The following CMYA5 variants were observed in gnomAD, a reference collection of about 807,000 sequenced individuals.
CMYA5 encodes the protein cardiomyopathy-associated protein 5.
A neutral mutation model predicts 318.9 loss-of-function variants in CMYA5; 246 were observed. That is an observed-to-expected ratio of 0.77 (90% CI 0.70 to 0.86). The LOEUF (loss-of-function observed/expected upper bound fraction) is 0.86. Ranked by LOEUF, CMYA5 falls within the 40% of genes least tolerant of loss-of-function variation. The pLI is 0.00. For missense variants in CMYA5, 4,589 were observed against 4,678.2 expected (o/e 0.98, Z 0.56); for synonymous variants, 1,641 against 1,729.5 (o/e 0.95, Z 1.27).
chr5:79,766,790 GT>G (rs1828762496), intron 9 of CMYA5, among the ~76,000 whole-genome samples: 1 of 152,294 alleles, frequency 6.6e-6, no homozygotes, highest in South Asian at 2.1e-4. Context: ...TCTTTGCCAA[GT>G]TTTGGTATCA....
intron 1 of CMYA5, among the ~76,000 whole-genome samples, chr5:79,705,408 T>C (rs897356842): frequency 1.3e-4 from 18 of 141,760 alleles, no homozygotes; most frequent in Admixed American, 3.7e-4. Flanking sequence ...AATAGATAGA[T>C]AGATATAGTA....
chr5:79,789,800 G>C (rs1453752505), intron 10 of CMYA5, among the ~76,000 whole-genome samples: 3 of 152,046 alleles, frequency 2.0e-5, no homozygotes, highest in Non-Finnish European at 4.4e-5. Flanking sequence ...GGTAGGTTGG[G>C]GATATTCTTT....
intron 6 of CMYA5, among the ~76,000 whole-genome samples, chr5:79,755,843 AT>A (rs1401039003): frequency 1.3e-5 from 2 of 152,214 alleles, no homozygotes; most frequent in African/African-American, 4.8e-5. Flanking sequence ...TCTAACCTAC[AT>A]ACTTTGCTTC....
In CMYA5 at chr5:79,733,419, C is replaced by A. The variant is rs935761859; in HGVS notation, c.4654C>A (p.Pro1552Thr). 3.1e-6 allele frequency: 5 copies of A among 1,613,746 alleles called. No homozygotes were observed. The highest frequency in any genetic ancestry group is 4.2e-6 in the Non-Finnish European group (5 of 1,179,846). The change falls in exon 2 of 13, where the codon CCT becomes ACT. Residue 1552 changes from proline (P) to threonine (T), a missense_variant. By Grantham distance (38) the Pro-to-Thr change is conservative. Transcript: ENST00000446378. The part of the protein sequence containing the change: ...TELPSSQNVS[P>T]ASKHIIPKGK... ...ACTTCCTTCATCACAAAATGTGTCA[C>A]CTGCATCCAAACATATAATCCCAAA...
At chr5:79,744,963 T>A (rs1413157123) in intron 3 of CMYA5, among the ~76,000 whole-genome samples, 2 of 152,226 alleles carry the variant, frequency 1.3e-5, no homozygotes, top group African/African-American at 2.4e-5. Context: ...GACTTCCATA[T>A]GAAAATATAT....
chr5:79,773,055 T>G (rs1206410701), intron 9 of CMYA5, among the ~76,000 whole-genome samples: 3 of 152,224 alleles, frequency 2.0e-5, no homozygotes, highest in African/African-American at 7.2e-5. Flanking sequence ...TTTGATTCTT[T>G]GCACAGCAAT....
chr5:79,719,766 A>T (rs767750107), intron 1 of CMYA5, among the ~76,000 whole-genome samples: 2 of 152,196 alleles, frequency 1.3e-5, no homozygotes, highest in African/African-American at 2.4e-5. Context: ...ATGCTTGCTC[A>T]GGGCATAGCT....
At chr5:79,700,878 G>GATTGGTGGTTA (rs1561626789) in intron 1 of CMYA5, among the ~76,000 whole-genome samples, 2 of 152,062 alleles carry the variant, frequency 1.3e-5, no homozygotes, top group Non-Finnish European at 2.9e-5. Flanking sequence ...ATAGAGAGTA[G>GATTGGTGGTTA]ATTGGTGGTT....
chr5:79,743,045 G>C (rs901360411), intron 2 of CMYA5, among the ~76,000 whole-genome samples: 1 of 152,164 alleles, frequency 6.6e-6, no homozygotes, highest in African/African-American at 2.4e-5. Context: ...GGAGCCTGGG[G>C]GCTGTGGAGA....
intron 9 of CMYA5, among the ~76,000 whole-genome samples, chr5:79,771,308 A>G (rs1353643689): frequency 6.6e-6 from 1 of 152,260 alleles, no homozygotes; most frequent in East Asian, 1.9e-4. Context: ...CTGGACCTTA[A>G]CTGTGAAAAC....
intron 1 of CMYA5, among the ~76,000 whole-genome samples, chr5:79,702,413 G>GAATATTATTTGGCCATAAA (rs1827190617): frequency 6.6e-6 from 1 of 152,134 alleles, no homozygotes; most frequent in Non-Finnish European, 1.5e-5. Context: ...TCATACAATG[G>GAATATTATTTGGCCATAAA]AATATTATTT....
intron 1 of CMYA5, among the ~76,000 whole-genome samples, chr5:79,704,037 G>A (rs1362682235): frequency 6.6e-6 from 1 of 152,106 alleles, no homozygotes; most frequent in Non-Finnish European, 1.5e-5. Flanking sequence ...GCTGCCATGA[G>A]CTGCGATTGC....
In CMYA5 at chr5:79,729,817, C is replaced by A. The variant is rs748580571; in HGVS notation, c.1052C>A (p.Ala351Glu). 6.2e-7 allele frequency: 1 copy of A among 1,613,480 alleles called. No individual in the cohort carries two copies. Residue 351 changes from alanine (A) to glutamate (E), a missense_variant, in exon 2 of 13, where the codon GCA (alanine) becomes GAA (glutamate). Ala to Glu is a moderately radical substitution (Grantham distance 107). Coordinates refer to ENST00000446378, the MANE Select transcript of CMYA5 (RefSeq NM_153610.5). The part of the protein sequence containing the change: ...TVPSYSSSGR[A>E]EQGIQLRHSQ... ...CCCTCTTATTCAAGTAGTGGCAGAG[C>A]AGAACAAGGAATACAGCTCAGGCAT...
Position 79,738,759 on chromosome 5 carries a change from GCTAC to G in CMYA5, c.9996_9999del (p.Thr3333ArgfsTer3). Reference sequence around the variant, plus strand: ...TCCCATCACAGAGGACGTCAGAGTGGCTACCCAGAAAATAAGTTATGCGGTTCCA... The same window carrying G: ...TCCCATCACAGAGGACGTCAGAGTGGCCAGAAAATAAGTTATGCGGTTCCA... On this transcript the variant is annotated frameshift_variant, in exon 2 of 13. Coordinates refer to ENST00000446378, the MANE Select transcript of CMYA5 (RefSeq NM_153610.5). LOFTEE classifies it high-confidence loss of function. The G allele has an allele frequency of 1.2e-6, 2 of 1,613,914 alleles. No homozygotes were observed. Among genetic ancestry groups the G allele is most frequent in the Non-Finnish European group, 1.7e-6 (2 of 1,179,856 alleles).
In CMYA5 at chr5:79,734,647, C is replaced by A. The variant is rs79043487; in HGVS notation, c.5882C>A (p.Ala1961Glu). Residue 1961 changes from alanine (A) to glutamate (E), a missense_variant, in exon 2 of 13, where the codon GCA becomes GAA. Physicochemically the swap from Ala to Glu is moderately radical, Grantham distance 107 (BLOSUM62 -1). Around this residue, in one of 3 missense-constraint regions of CMYA5, gnomAD observed 2,431 missense variants for 2,495.1 expected, o/e 0.97. Coordinates refer to ENST00000446378, the MANE Select transcript of CMYA5 (RefSeq NM_153610.5). ...GAATCTCATTTGTCATCACAAGAAG[C>A]AGTATCTGCTCTTGATACTTCCAGT... The part of the protein sequence containing the change: ...AEESHLSSQE[A>E]VSALDTSSGN... 6.8e-6 allele frequency: 11 copies of A among 1,613,320 alleles called. No individual in the cohort carries two copies. In the South Asian group the frequency reaches 9.9e-5, roughly 14 times the overall value.
chr5:79,747,943 C>T (rs1338296450), intron 5 of CMYA5, among the ~76,000 whole-genome samples: 1 of 151,926 alleles, frequency 6.6e-6, no homozygotes, highest in African/African-American at 2.4e-5. Flanking sequence ...AAATTTGTAT[C>T]TATAATGTAT....
intron 8 of CMYA5, 134 bp downstream of exon 8, chr5:79,762,091 A>G: frequency 1.0e-6 from 1 of 1,003,186 alleles, no homozygotes; most frequent in Middle Eastern, 2.3e-4. Flanking sequence ...TTATACAACG[A>G]TGACTTAAGC....
intron 1 of CMYA5, among the ~76,000 whole-genome samples, chr5:79,693,088 G>A (rs1469922138): frequency 6.6e-6 from 1 of 152,168 alleles, no homozygotes; most frequent in African/African-American, 2.4e-5. Context: ...CTACCTGGAA[G>A]GGTTGGAGAA....
At chr5:79,739,540 A>G (rs1325354438) in intron 2 of CMYA5, 137 bp downstream of exon 2, 3 of 715,380 alleles carry the variant, frequency 4.2e-6, no homozygotes, top group Non-Finnish European at 6.3e-6. Context: ...CAAACTAAGA[A>G]TATTTCTCCA....
Sources: allele counts gnomAD v4.1 joint callset (sites outside exome capture counted in the v4.1 genomes callset), GRCh38; gene constraint gnomAD v4.1.1; regional missense constraint gnomAD v4.1.1; transcripts MANE v1.5; gene names NCBI Gene and HGNC (gene_info 2026-07-23, HGNC 2026-07-21).